Variants in SMARCD1 observed in about 807,000 individuals in gnomAD.
The protein encoded by SMARCD1 is SWI/SNF related BAF chromatin remodeling complex subunit D1, also known as SWI/SNF-related matrix-associated actin-dependent regulator of chromatin subfamily D member 1.
SMARCD1 carries 16 observed loss-of-function variants against 70.8 expected under a neutral mutation model. That is an observed-to-expected ratio of 0.23 (90% confidence interval 0.15 to 0.34). SMARCD1 has a LOEUF of 0.34. Among genes scored for constraint, SMARCD1 ranks in the 10% least tolerant of loss-of-function variants. The pLI is 1.00. For synonymous variants in SMARCD1, 249 were observed against 246.0 expected, an observed-to-expected ratio of 1.01 and a Z score of -0.11; for missense variants, 409 against 655.5, an observed-to-expected ratio of 0.62 and a Z score of 4.11.
At chr12:50,090,886 G>A (rs1307091686) in intron 9 of SMARCD1, among the ~76,000 whole-genome samples, 8 of 143,628 alleles carry the variant, frequency 5.6e-5, no homozygotes, top group African/African-American at 1.6e-4. Flanking sequence ...GTCCAGTGGC[G>A]CGATCTCGGC....
chr12:50,088,307 CTA>C (rs759360773), intron 5 of SMARCD1: 8 of 703,256 alleles, frequency 1.1e-5, no homozygotes, highest in South Asian at 4.4e-5. Flanking sequence ...CAGTGACCCT[CTA>C]TGTGTTCTAG....
At position 50,085,494 on chromosome 12, in the gene SMARCD1, C is replaced by G; in HGVS notation, c.125C>G (p.Pro42Arg). 8.1e-7 allele frequency: 1 copy of G among 1,239,412 alleles called. No individual in the cohort carries two copies. The allele number at this position is 1,239,412 out of a possible 1,614,324, so 76.8% of individuals were successfully genotyped here. A position where few individuals can be genotyped will look rare whatever the true frequency, so the allele number is the denominator to read the frequency against. Residue 42 changes from proline to arginine, a missense_variant, in exon 1 of 13, where the codon CCG becomes CGG. Coordinates refer to ENST00000394963, the MANE Select transcript of SMARCD1 (RefSeq NM_003076.5). ...GTPGPPVRMG[P>R]APGQGLYRSP... ...CCGGGGCCTCCTGTGCGAATGGGCC[C>G]GGCTCCGGGTCAAGGGCTGTACCGC... is the stretch of plus-strand genomic sequence containing the variant.
chr12:50,090,821 C>CATTT (rs1950835377), intron 9 of SMARCD1, among the ~76,000 whole-genome samples: 7 of 102,428 alleles, frequency 6.8e-5, no homozygotes, highest in Admixed American at 1.2e-4. Context: ...TGTATTTGTG[C>CATTT]TTTTTTTTTT....
At position 50,086,479 on chromosome 12, in the gene SMARCD1, T is replaced by TTGGTGGTGGTAGTGG. The variant is rs61560134; in HGVS notation, c.366-132_366-131insAGTGGTGGTGGTGGT. 1.2e-3 allele frequency: 949 copies of TTGGTGGTGGTAGTGG among 781,464 alleles called. 27 individuals are homozygous for TTGGTGGTGGTAGTGG. The highest frequency in any genetic ancestry group is 1.9e-3 in the Middle Eastern group (6 of 3,082). The allele number at this position is 781,464 out of a possible 1,614,324, so 48.4% of individuals were successfully genotyped here. A position where few individuals can be genotyped will look rare whatever the true frequency, so the allele number is the denominator to read the frequency against. Reference sequence around the variant, plus strand: ...CTACAGAACTCATCCTTGAGAATGCTTGGTGGTGGTGGTGGTGGTGGTAGT... The same window carrying TTGGTGGTGGTAGTGG: ...CTACAGAACTCATCCTTGAGAATGCTTGGTGGTGGTAGTGGTGGTGGTGGTGGTGGTGGTGGTAGT... On this transcript the variant is annotated intron_variant, in intron 2 of 12. Transcript: ENST00000394963.
rs115940407 is a variant in SMARCD1, at chr12:50,087,084, C to G, written c.531+206C>G. On this transcript the variant is annotated intron_variant, in intron 4 of 12. Coordinates refer to ENST00000394963, the MANE Select transcript of SMARCD1 (RefSeq NM_003076.5). ...GGGGCTCTTGATGTCTCTTGCACTA[C>G]AAATATACCCTTGTCCATGTTTTCG... 7.7e-3 allele frequency among the ~76,000 whole-genome samples: 1,166 copies of G among 152,330 alleles called. 12 individuals carry two copies. Among genetic ancestry groups the G allele is most frequent in the Middle Eastern group, 0.065 (19 of 294 alleles).
intron 1 of SMARCD1, chr12:50,085,958 G>A (rs973346644): frequency 2.4e-6 from 1 of 415,222 alleles, no homozygotes; most frequent in Admixed American, 4.0e-5. Context: ...CTGAGAATTT[G>A]AGTATAATCT....
chr12:50,098,185 G>A (rs895663481), intron 11 of SMARCD1, among the ~76,000 whole-genome samples: 4 of 152,218 alleles, frequency 2.6e-5, no homozygotes, highest in African/African-American at 7.2e-5. Flanking sequence ...ACAAGGCAAC[G>A]ACTTGTTGAT....
chr12:50,091,828 C>G (rs1950846384), intron 9 of SMARCD1, among the ~76,000 whole-genome samples: 1 of 150,850 alleles, frequency 6.6e-6, no homozygotes, highest in African/African-American at 2.4e-5. Flanking sequence ...ATCCGCCCAC[C>G]TGGCCTCCCA....
chr12:50,098,083 C>G (rs1950908805), intron 11 of SMARCD1, among the ~76,000 whole-genome samples: 1 of 152,072 alleles, frequency 6.6e-6, no homozygotes, highest in Non-Finnish European at 1.5e-5. Context: ...AGTATGAACT[C>G]ATCCGTTGTC....
chr12:50,095,090 G>A (rs1010770736), intron 10 of SMARCD1, among the ~76,000 whole-genome samples: 1 of 152,150 alleles, frequency 6.6e-6, no homozygotes, highest in Non-Finnish European at 1.5e-5. Flanking sequence ...GAGCCACCAC[G>A]CCCAGCCCAT....
At position 50,099,017 on chromosome 12, in the gene SMARCD1, C is replaced by T. The variant is rs1372901010; in HGVS notation, c.*17C>T. The T allele has an allele frequency of 6.2e-7, 1 of 1,612,374 alleles. No individual in the cohort carries two copies. The highest frequency in any genetic ancestry group is 1.7e-5 in the Admixed American group (1 of 60,006). ...AATACATAGGGCCTCTCCCACAGCC[C>T]TGATTCGACTGCACCAATTCTTGAT... On this transcript the variant is annotated 3_prime_UTR_variant, in exon 13 of 13. Coordinates refer to ENST00000394963, the MANE Select transcript of SMARCD1 (RefSeq NM_003076.5).
In SMARCD1 at chr12:50,086,216, C is replaced by G. The variant is rs1184153838; in HGVS notation, c.233C>G (p.Pro78Arg). 8.1e-6 allele frequency: 13 copies of G among 1,607,502 alleles called. No homozygotes were observed. The highest frequency in any genetic ancestry group is 1.1e-5 in the Non-Finnish European group (13 of 1,176,262). Residue 78 changes from proline (P) to arginine (R), a missense_variant, in exon 2 of 13, where the codon CCC becomes CGC. Physicochemically the swap from Pro to Arg is moderately radical, Grantham distance 103. Transcript: ENST00000394963. ...ACACCTCAGGGACCTTCCATGGGAC[C>G]CCCTGGCTATGGGGGGAACCCTTCA... Reference protein sequence around the residue: ...RMTPQGPSMGPPGYGGNPSVR... With the variant: ...RMTPQGPSMGRPGYGGNPSVR...
rs1489788433 is a variant in SMARCD1, at chr12:50,094,505, A to G, written c.1202A>G (p.Lys401Arg). 1 of 1,614,054 alleles carries G rather than the reference A, an allele frequency of 6.2e-7. No individual in the cohort carries two copies. Among genetic ancestry groups the G allele is most frequent in the East Asian group, 2.2e-5 (1 of 44,880 alleles). ...GATGTTGAAGTGGATGACACCTTGA[A>G]GACCCAGATGAATTCTTTTCTGCTG... ...DIDVEVDDTLKTQMNSFLLST... is the reference protein window; with the variant it reads ...DIDVEVDDTLRTQMNSFLLST... The change falls in exon 10 of 13, where the codon AAG becomes AGG. Residue 401 changes from lysine to arginine, a missense_variant. Coordinates refer to ENST00000394963, the MANE Select transcript of SMARCD1 (RefSeq NM_003076.5).
chr12:50,090,063 C>A, intron 7 of SMARCD1, 78 bp downstream of exon 7: 2 of 1,387,098 alleles, frequency 1.4e-6, no homozygotes, highest in South Asian at 1.2e-5. Flanking sequence ...GAGTTTATGT[C>A]TAGTTGTGAA....
At position 50,100,258 on chromosome 12, in the gene SMARCD1, A is replaced by G; in HGVS notation, c.*1258A>G. 1 of 152,646 alleles carries G rather than the reference A, an allele frequency of 6.6e-6. No individual in the cohort carries two copies. Among genetic ancestry groups the G allele is most frequent in the Non-Finnish European group, 1.5e-5 (1 of 68,070 alleles). The allele number at this position is 152,646 out of a possible 1,614,324, so 9.5% of individuals were successfully genotyped here. ...CAGCAAGGGTGGGAGACAGCTGGGC[A>G]CAAAGGGGGAATTCCGTTCAGCATG... is the stretch of plus-strand genomic sequence containing the variant. On this transcript the variant is annotated 3_prime_UTR_variant, in exon 13 of 13. Transcript: ENST00000394963.
At chr12:50,086,539 C>A in intron 2 of SMARCD1, 82 bp from the exon 3 acceptor site, 1 of 1,410,062 alleles carries the variant, frequency 7.1e-7, no homozygotes, top group South Asian at 1.2e-5. Flanking sequence ...CTTCACATTA[C>A]TATAAATGGA....
chr12:50,090,344 A>G lies in SMARCD1; in HGVS notation c.977A>G (p.His326Arg), dbSNP rs1451030258. 2 of 1,614,208 alleles carry G rather than the reference A, an allele frequency of 1.2e-6. No homozygotes were observed. Among genetic ancestry groups the G allele is most frequent in the Non-Finnish European group, 8.5e-7 (1 of 1,180,032 alleles). Residue 326 changes from histidine to arginine, a missense_variant, in exon 8 of 13, where the codon CAT becomes CGT. Coordinates refer to ENST00000394963, the MANE Select transcript of SMARCD1 (RefSeq NM_003076.5). ...IQALWQYIKT[H>R]KLQDPHEREF... ...GCACTGTGGCAATATATTAAGACAC[A>G]TAAGCTCCAGGACCCTCACGAGCGG...
chr12:50,085,647 G>T, intron 1 of SMARCD1, 101 bp downstream of exon 1: 1 of 719,264 alleles, frequency 1.4e-6, no homozygotes, highest in Non-Finnish European at 1.8e-6. Context: ...ACTCCCTTGG[G>T]AGGGGTTCGG....
chr12:50,090,285 C>T lies in SMARCD1; in HGVS notation c.918C>T (p.Gly306=). ...KLDPRLARLL[G]IHTQTRPVII... is the part of the protein sequence containing the mutation. The stretch of plus-strand genomic sequence containing the variant: ...ACCCCCGCCTAGCTCGACTCCTGGG[C>T]ATCCATACCCAGACTCGTCCAGTGA... The change falls in exon 8 of 13, where the codon GGC becomes GGT. Residue 306 remains glycine, a synonymous_variant. Transcript: ENST00000394963. 3 of 1,614,072 alleles carry T rather than the reference C, an allele frequency of 1.9e-6. No homozygotes were observed. The highest frequency in any genetic ancestry group is 2.2e-5 in the South Asian group (2 of 91,074).
Sources: allele counts gnomAD v4.1 joint callset (sites outside exome capture counted in the v4.1 genomes callset), GRCh38; gene constraint gnomAD v4.1.1; transcripts MANE v1.5; gene names NCBI Gene and HGNC (gene_info 2026-07-23, HGNC 2026-07-21).